TBX1: variants seen among roughly 807,000 people sequenced by gnomAD.
TBX1 encodes the protein T-box transcription factor 1.
Under a neutral mutation model 40.8 loss-of-function variants are expected in TBX1, and 16 were observed. The ratio of observed to expected loss-of-function variants is 0.39; its 90% CI spans 0.27 to 0.60. The LOEUF (loss-of-function observed/expected upper bound fraction) is 0.60, where lower values mean the gene tolerates loss of function less well. TBX1 is among the 20% of genes least tolerant of loss of function. The pLI, the probability that TBX1 is intolerant of heterozygous loss-of-function variation, is 0.51. For synonymous variants in TBX1, 403 were observed against 336.8 expected (o/e 1.20, Z -2.15); for missense variants, 755 against 728.5 (o/e 1.04, Z -0.42).
At chr22:19,758,912 G>A (rs1361793036), upstream of TBX1, among the ~76,000 whole-genome samples, 1 of 152,216 alleles carries the variant, frequency 6.6e-6, no homozygotes, top group East Asian at 1.9e-4. Flanking sequence ...GCTGCGCCAA[G>A]GAACAGAGGA....
Position 19,766,008 on chromosome 22 carries a change from G to T in TBX1, c.1036+6G>T, listed in dbSNP as rs2145837231. Reference sequence around the variant, plus strand: ...GCCCAGCGGCACGGAGAAAGGTAGGGCCGGGGTCGTGGGATCCGGGTTCCG... The same window carrying T: ...GCCCAGCGGCACGGAGAAAGGTAGGTCCGGGGTCGTGGGATCCGGGTTCCG... On this transcript the variant is annotated splice_donor_region_variant and intron_variant, in intron 6 of 6. Transcript: ENST00000649276. 1 of 1,498,374 alleles carries T rather than the reference G, an allele frequency of 6.7e-7. No individual in the cohort carries two copies. The highest frequency in any genetic ancestry group is 1.2e-5 in the South Asian group (1 of 80,360). 92.8% of individuals were successfully genotyped at this position (1,498,374 alleles called of 1,614,324 possible).
At chr22:19,768,984 T>C (rs569065102), downstream of TBX1, among the ~76,000 whole-genome samples, 1 of 144,022 alleles carries the variant, frequency 6.9e-6, no homozygotes, top group Non-Finnish European at 1.5e-5. Flanking sequence ...TTTTTGAGAC[T>C]GAGTCGCGCT....
chr22:19,779,494 A>T, exon 9 of TBX1: 1 of 1,591,252 alleles, frequency 6.3e-7, no homozygotes, highest in Non-Finnish European at 8.6e-7. Context: ...TTAAAAAAAC[A>T]GTGACTTGTT....
downstream of TBX1, among the ~76,000 whole-genome samples, chr22:19,767,927 C>T (rs888525404): frequency 3.3e-5 from 5 of 152,352 alleles, no homozygotes; most frequent in Non-Finnish European, 7.3e-5. Context: ...CTGTGAGTGT[C>T]CCTACGGAGT....
At chr22:19,780,723 C>T (rs1441262865), downstream of TBX1, among the ~76,000 whole-genome samples, 1 of 151,432 alleles carries the variant, frequency 6.6e-6, no homozygotes, top group African/African-American at 2.4e-5. Flanking sequence ...TCCATTTTTA[C>T]ATTCCCACCA....
chr22:19,759,020 G>A (rs987466380), upstream of TBX1, among the ~76,000 whole-genome samples: 27 of 152,186 alleles, frequency 1.8e-4, no homozygotes, highest in Non-Finnish European at 3.1e-4. Context: ...AGGTGGAGGC[G>A]GGAGGGGCCA....
At chr22:19,763,382 C>T (rs1317241018) in intron 2 of TBX1, 40 bp downstream of exon 2, 2 of 1,598,770 alleles carry the variant, frequency 1.3e-6, no homozygotes, top group Admixed American at 1.7e-5. Context: ...CGGGAGGGCA[C>T]CCTGGAAAGT....
chr22:19,767,228 CAGCCCGAG>C lies in TBX1; in HGVS notation c.*367_*374del. 1 of 1,076,622 alleles carries C rather than the reference CAGCCCGAG, an allele frequency of 9.3e-7. No individual in the cohort carries two copies. The allele number at this position is 1,076,622 out of a possible 1,614,324, so 66.7% of individuals were successfully genotyped here. Reference sequence around the variant, plus strand: ...GCCCGGCCGGCAGTTGCAGTGTAGACAGCCCGAGAGCCCCGCCTGCAGGCGGTGTAGAT... The same window carrying C: ...GCCCGGCCGGCAGTTGCAGTGTAGACAGCCCCGCCTGCAGGCGGTGTAGAT... On this transcript the variant is annotated 3_prime_UTR_variant, in exon 7 of 7. Transcript: ENST00000649276.
Position 19,764,198 on chromosome 22 carries a change from G to A in TBX1, c.583G>A (p.Asp195Asn), listed in dbSNP as rs1936758043. ...SSSWLVAGKADPATPGRVHYH... is the reference protein window; with the variant it reads ...SSSWLVAGKANPATPGRVHYH... ...CTCCTGGCTGGTGGCGGGGAAGGCC[G>A]ACCCTGCCACGCCAGGCCGCGTGCA... Residue 195 changes from aspartate (D) to asparagine (N), a missense_variant, in exon 3 of 7, where the codon GAC becomes AAC. This residue lies in a region of TBX1 where 144 missense variants were observed against 238.0 expected (regional missense o/e 0.61). Transcript: ENST00000649276. 1.2e-6 allele frequency: 2 copies of A among 1,612,632 alleles called. No individual in the cohort carries two copies. Among genetic ancestry groups the A allele is most frequent in the African/African-American group, 1.3e-5 (1 of 74,926 alleles).
intron 1 of TBX1, among the ~76,000 whole-genome samples, chr22:19,761,502 C>T (rs996535564): frequency 6.6e-6 from 1 of 151,644 alleles, no homozygotes; most frequent in Non-Finnish European, 1.5e-5. Context: ...TCCGCCGGGG[C>T]GGGAGGAGAC....
At chr22:19,783,177 T>G, downstream of TBX1, 2 of 669,740 alleles carry the variant, frequency 3.0e-6, no homozygotes, top group East Asian at 2.8e-5. Flanking sequence ...CTCTCCTAAA[T>G]TCCCGACCCA....
chr22:19,780,776 G>GTTTTGTT (rs1937133064), downstream of TBX1, among the ~76,000 whole-genome samples: 2 of 119,104 alleles, frequency 1.7e-5, no homozygotes, highest in African/African-American at 6.8e-5. Context: ...CTTGTTTTCT[G>GTTTTGTT]TTTTTTTTTT....
In TBX1 at chr22:19,767,317, GTTTCGCCTCT is replaced by G; in HGVS notation, c.*454_*463del. The G allele has an allele frequency of 1.0e-6, 1 of 989,576 alleles. No homozygotes were observed. The highest frequency in any genetic ancestry group is 1.7e-5 in the African/African-American group (1 of 57,502). 61.3% of individuals were successfully genotyped at this position (989,576 alleles called of 1,614,324 possible). On this transcript the variant is annotated 3_prime_UTR_variant, in exon 7 of 7. Transcript: ENST00000649276. ...CGCCCCGGCGCCGACTTGATAAACG[GTTTCGCCTCT>G]TTTGGAAGCCGCCTGCGTGTCCATT...
downstream of TBX1, among the ~76,000 whole-genome samples, chr22:19,769,165 T>G (rs960712257): frequency 6.6e-6 from 1 of 152,102 alleles, no homozygotes; most frequent in African/African-American, 2.4e-5. Flanking sequence ...TTCACCATGT[T>G]GGCCAGGCTG....
intron 8 of TBX1, among the ~76,000 whole-genome samples, chr22:19,776,842 G>A (rs1462862311): frequency 6.6e-6 from 1 of 152,152 alleles, no homozygotes; most frequent in Admixed American, 6.5e-5. Context: ...TTATCTCACG[G>A]AGGGAAGGAA....
chr22:19,781,242 A>AT (rs879802694), downstream of TBX1, among the ~76,000 whole-genome samples: 121 of 150,328 alleles, frequency 8.0e-4, no homozygotes, highest in Admixed American at 1.8e-3. Context: ...TCATTTGTCT[A>AT]TTTTTTTTTA....
In TBX1 at chr22:19,766,248, G is replaced by A. The variant is rs1024311231; in HGVS notation, c.1037-141G>A. 2.6e-6 allele frequency: 3 copies of A among 1,146,990 alleles called. No individual in the cohort carries two copies. In the African/African-American group the frequency reaches 4.9e-5, roughly 19 times the overall value. The allele number at this position is 1,146,990 out of a possible 1,614,324, so 71.1% of individuals were successfully genotyped here. On this transcript the variant is annotated intron_variant, in intron 6 of 6. Transcript: ENST00000649276. ...AGGGCTCGGGGCGCCGGCGACTTGG[G>A]GTCTCGGGCACGCTGGCACCGACTG...
At chr22:19,783,570 A>AAAAC (rs60613692), downstream of TBX1, 1 of 166,814 alleles carries the variant, frequency 6.0e-6, no homozygotes, top group African/African-American at 2.4e-5. Flanking sequence ...CTTAAAAGAA[A>AAAAC]AAACAAACAA....
chr22:19,780,885 C>G (rs995234678), downstream of TBX1, among the ~76,000 whole-genome samples: 1 of 147,618 alleles, frequency 6.8e-6, no homozygotes, highest in Admixed American at 7.1e-5. Flanking sequence ...TGGGTTCATG[C>G]CATTCTCCTG....
Sources: allele counts gnomAD v4.1 joint callset (sites outside exome capture counted in the v4.1 genomes callset), GRCh38; gene constraint gnomAD v4.1.1; regional missense constraint gnomAD v4.1.1; transcripts MANE v1.5; gene names NCBI Gene and HGNC (gene_info 2026-07-23, HGNC 2026-07-21).